The following LHFPL3 variants were observed in gnomAD, a reference collection of about 807,000 sequenced individuals.
The protein encoded by LHFPL3 is LHFPL tetraspan subfamily member 3, also known as LHFPL tetraspan subfamily member 3 protein.
In LHFPL3, 5 loss-of-function variants were observed where a neutral mutation model predicts 19.3. The observed-to-expected ratio is 0.26, with a 90% CI of 0.14 to 0.54. The LOEUF (loss-of-function observed/expected upper bound fraction) is 0.54, where lower values mean the gene tolerates loss of function less well. Among genes scored for constraint, LHFPL3 ranks in the 20% least tolerant of loss-of-function variants. The pLI is 0.94. For missense variants in LHFPL3, 249 were observed against 307.4 expected, an observed-to-expected ratio of 0.81 and a Z score of 1.42; for synonymous variants, 133 against 126.2, an observed-to-expected ratio of 1.05 and a Z score of -0.36.
chr7:104,863,315 C>G (rs1210663930), intron 2 of LHFPL3, among the ~76,000 whole-genome samples: 1 of 152,158 alleles, frequency 6.6e-6, no homozygotes, highest in Non-Finnish European at 1.5e-5. Context: ...TCATTCTGGC[C>G]AAACAAAATG....
At chr7:104,428,360 G>T (rs1791888107) in intron 1 of LHFPL3, among the ~76,000 whole-genome samples, 1 of 152,080 alleles carries the variant, frequency 6.6e-6, no homozygotes, top group Non-Finnish European at 1.5e-5. Context: ...AAATTTTCTT[G>T]CAGTTAATGT....
intron 2 of LHFPL3, among the ~76,000 whole-genome samples, chr7:104,863,581 T>C (rs1336570663): frequency 6.6e-6 from 1 of 152,252 alleles, no homozygotes; most frequent in Admixed American, 6.5e-5. Flanking sequence ...CATTTTCCTT[T>C]ACATTTGCTG....
intron 1 of LHFPL3, among the ~76,000 whole-genome samples, chr7:104,708,433 A>T (rs931858550): frequency 1.3e-5 from 2 of 152,172 alleles, no homozygotes; most frequent in Non-Finnish European, 2.9e-5. Context: ...TACAGCAGAG[A>T]TATTCCCAGA....
At chr7:104,598,032 T>C (rs1790896875) in intron 1 of LHFPL3, among the ~76,000 whole-genome samples, 2 of 152,170 alleles carry the variant, frequency 1.3e-5, no homozygotes, top group Admixed American at 1.3e-4. Flanking sequence ...ATTGCTGTTT[T>C]ACAAAAATTT....
At chr7:104,476,402 T>A (rs1793017870) in intron 1 of LHFPL3, among the ~76,000 whole-genome samples, 1 of 152,148 alleles carries the variant, frequency 6.6e-6, no homozygotes, top group Non-Finnish European at 1.5e-5. Context: ...ATAAATGACT[T>A]ACACTGAAAT....
chr7:104,586,938 A>G (rs777011345), intron 1 of LHFPL3, among the ~76,000 whole-genome samples: 56 of 152,146 alleles, frequency 3.7e-4, no homozygotes, highest in Non-Finnish European at 7.6e-4. Flanking sequence ...CTGTTGAAAG[A>G]TTATGTATCA....
chr7:104,647,888 G>A (rs1374088179), intron 1 of LHFPL3, among the ~76,000 whole-genome samples: 1 of 152,194 alleles, frequency 6.6e-6, no homozygotes, highest in South Asian at 2.1e-4. Context: ...AGGGAGTTGG[G>A]AAGTGTCAGC....
intron 2 of LHFPL3, among the ~76,000 whole-genome samples, chr7:104,773,388 G>T (rs1794590031): frequency 6.6e-6 from 1 of 152,230 alleles, no homozygotes; most frequent in Non-Finnish European, 1.5e-5. Context: ...TCCCAAAAAG[G>T]CAGGAGTGTT....
chr7:104,860,205 C>T (rs1298833110), intron 2 of LHFPL3, among the ~76,000 whole-genome samples: 3 of 151,784 alleles, frequency 2.0e-5, no homozygotes, highest in Non-Finnish European at 4.4e-5. Context: ...CACACACACA[C>T]ACGCATACCT....
At chr7:104,401,506 T>C (rs917875261) in intron 1 of LHFPL3, among the ~76,000 whole-genome samples, 4 of 151,840 alleles carry the variant, frequency 2.6e-5, no homozygotes, top group Non-Finnish European at 4.4e-5. Flanking sequence ...CAGAGACCAA[T>C]AGAAGAGAAA....
chr7:104,591,652 A>T (rs1489481394), intron 1 of LHFPL3, among the ~76,000 whole-genome samples: 2 of 152,022 alleles, frequency 1.3e-5, no homozygotes, highest in Non-Finnish European at 2.9e-5. Flanking sequence ...CTGAATTTGA[A>T]TGTTGGCCTG....
chr7:104,365,118 G>A (rs1790459201), intron 1 of LHFPL3, among the ~76,000 whole-genome samples: 1 of 152,054 alleles, frequency 6.6e-6, no homozygotes, highest in African/African-American at 2.4e-5. Context: ...TGACCAACAT[G>A]GAGAAACCTT....
chr7:104,459,176 C>A (rs747085831), intron 1 of LHFPL3, among the ~76,000 whole-genome samples: 1 of 152,208 alleles, frequency 6.6e-6, no homozygotes, highest in Non-Finnish European at 1.5e-5. Context: ...TAACTTCTAC[C>A]ACCTGTGTAA....
chr7:104,439,726 C>T (rs535294241), intron 1 of LHFPL3, among the ~76,000 whole-genome samples: 1 of 152,064 alleles, frequency 6.6e-6, no homozygotes, highest in Non-Finnish European at 1.5e-5. Flanking sequence ...AAAAAACTTA[C>T]AGCAAAAATA....
intron 1 of LHFPL3, 35 bp downstream of exon 1, chr7:104,329,259 C>T (rs950831614): frequency 7.1e-6 from 11 of 1,553,884 alleles, no homozygotes; most frequent in African/African-American, 1.4e-5. Flanking sequence ...AGGCGGAGGA[C>T]CCCGGGGCGC....
At position 104,384,728 on chromosome 7, in the gene LHFPL3, C is replaced by T. The variant is rs185529003; in HGVS notation, c.445+55504C>T. Among the ~76,000 whole-genome samples the T allele has an allele frequency of 4.1e-5, 6 of 145,694 alleles. No homozygotes were observed. The East Asian group carries it at 1.2e-3, about 30-fold the overall frequency. On this transcript the variant is annotated intron_variant, in intron 1 of 2. Coordinates refer to ENST00000424859, the MANE Select transcript of LHFPL3 (RefSeq NM_199000.3). ...CTTGAACCTGGTAGGTGGAGGTTGC[C>T]GTGAGCCAAGATCGTGCCACTGTAC...
At chr7:104,457,215 T>C (rs2385170) in intron 1 of LHFPL3, among the ~76,000 whole-genome samples, 119,394 of 151,506 alleles carry the variant, frequency 0.79, 47,386 homozygotes, top group East Asian at 0.88. Flanking sequence ...GTGTGCTGCA[T>C]CCATTAACTC....
chr7:104,499,295 G>C (rs985402938), intron 1 of LHFPL3, among the ~76,000 whole-genome samples: 4 of 152,214 alleles, frequency 2.6e-5, no homozygotes, highest in African/African-American at 9.6e-5. Context: ...AAAATGAATA[G>C]CACTTTCCCT....
At chr7:104,648,951 G>A (rs1225977357) in intron 1 of LHFPL3, among the ~76,000 whole-genome samples, 1 of 152,156 alleles carries the variant, frequency 6.6e-6, no homozygotes, top group East Asian at 1.9e-4. Flanking sequence ...ACAAACCATA[G>A]GAAGCTCTAT....
Sources: allele counts gnomAD v4.1 joint callset (sites outside exome capture counted in the v4.1 genomes callset), GRCh38; gene constraint gnomAD v4.1.1; transcripts MANE v1.5; gene names NCBI Gene and HGNC (gene_info 2026-07-23, HGNC 2026-07-21).